Variants in TM4SF4 observed in about 807,000 individuals in gnomAD.
TM4SF4 encodes the protein transmembrane 4 L six family member 4.
Under a neutral mutation model 24.1 loss-of-function variants are expected in TM4SF4, and 24 were observed. The observed-to-expected ratio is 1.00, with a 90% CI of 0.72 to 1.40. The LOEUF is 1.40. Ranked by LOEUF, TM4SF4 falls within the 40% of genes most tolerant of loss-of-function variation. The pLI, the probability that TM4SF4 is intolerant of heterozygous loss-of-function variation, is 0.00. For synonymous variants in TM4SF4, 113 were observed against 97.0 expected, an observed-to-expected ratio of 1.17 and a Z score of -0.97; for missense variants, 254 against 254.2, an observed-to-expected ratio of 1.00 and a Z score of 0.01.
chr3:149,487,836 A>G (rs1734145958), intron 3 of TM4SF4, 81 bp downstream of exon 3: 23 of 1,559,358 alleles, frequency 1.5e-5, no homozygotes, highest in Non-Finnish European at 1.9e-5. Context: ...ACTGCACACA[A>G]TGCCATGTCT....
rs776083071 is a variant in TM4SF4 at position 149,498,923 on chromosome 3, C to G, written c.591+12C>G. 1 of 1,613,276 alleles carries G rather than the reference C, an allele frequency of 6.2e-7. No homozygotes were observed. Among genetic ancestry groups the G allele is most frequent in the South Asian group, 1.1e-5 (1 of 91,016 alleles). ...GTGGCTGCTGTGGGGTAAGTTCAGG[C>G]TTTTGCTGTTTCTTCTCAGCATGAG... On this transcript the variant is annotated intron_variant, in intron 4 of 4. Transcript: ENST00000305354.
chr3:149,501,109 G>T (rs1032123929), intron 4 of TM4SF4, among the ~76,000 whole-genome samples: 1 of 151,626 alleles, frequency 6.6e-6, no homozygotes, highest in Non-Finnish European at 1.5e-5. Flanking sequence ...CTAAATCTGA[G>T]AATTATCTCT....
intron 4 of TM4SF4, among the ~76,000 whole-genome samples, chr3:149,502,319 C>T (rs183373698): frequency 6.6e-6 from 1 of 152,194 alleles, no homozygotes; most frequent in Admixed American, 6.5e-5. Flanking sequence ...CAGAATTCAT[C>T]AGTACCTAAT....
At chr3:149,498,095 G>C (rs1734345338) in intron 3 of TM4SF4, among the ~76,000 whole-genome samples, 1 of 152,160 alleles carries the variant, frequency 6.6e-6, no homozygotes, top group Non-Finnish European at 1.5e-5. Context: ...TTGTGTGTGA[G>C]AGATTCCTAC....
In TM4SF4 at chr3:149,476,309, T is replaced by C. The variant is rs76679881; in HGVS notation, c.264+397T>C. On this transcript the variant is annotated intron_variant, in intron 2 of 4. Transcript: ENST00000305354. ...GAATTGCCTCATCTGCAAAGGGGAC[T>C]TGGGACAGGACAAAAGATGGTATCC... 2.8e-3 allele frequency among the ~76,000 whole-genome samples: 421 copies of C among 152,294 alleles called. 6 individuals carry two copies. The highest frequency in any genetic ancestry group is 9.7e-3 in the African/African-American group (404 of 41,558).
chr3:149,480,671 T>A (rs1437306395), intron 2 of TM4SF4, among the ~76,000 whole-genome samples: 1 of 152,042 alleles, frequency 6.6e-6, no homozygotes, highest in African/African-American at 2.4e-5. Flanking sequence ...GCATCCCTAA[T>A]CTACCTCCTC....
intron 2 of TM4SF4, among the ~76,000 whole-genome samples, chr3:149,483,920 A>G (rs1734074769): frequency 6.6e-6 from 1 of 151,912 alleles, no homozygotes; most frequent in Non-Finnish European, 1.5e-5. Flanking sequence ...AGCTGGGACT[A>G]CAGGTGCACA....
rs576471163 is a variant in TM4SF4, at chr3:149,478,280, G to C, written c.264+2368G>C. On this transcript the variant is annotated intron_variant, in intron 2 of 4. Coordinates refer to ENST00000305354, the MANE Select transcript of TM4SF4 (RefSeq NM_004617.4). ...CCTGCCTCAGCCTCCCAAGTAGCTGGGATTACAGCCATGTGCCACCATGCC... is the reference window on the plus strand; with the variant it reads ...CCTGCCTCAGCCTCCCAAGTAGCTGCGATTACAGCCATGTGCCACCATGCC... Among the ~76,000 whole-genome samples the C allele has an allele frequency of 1.2e-4, 18 of 152,170 alleles. 1 individual carries two copies. The South Asian group carries it at 3.7e-3, about 32-fold the overall frequency.
chr3:149,500,453 A>G (rs1734396874), intron 4 of TM4SF4, among the ~76,000 whole-genome samples: 1 of 152,108 alleles, frequency 6.6e-6, no homozygotes, highest in African/African-American at 2.4e-5. Context: ...TTCACTGTGT[A>G]TTGCATTTTT....
intron 3 of TM4SF4, among the ~76,000 whole-genome samples, chr3:149,490,738 A>T (rs567310426): frequency 6.6e-6 from 1 of 152,348 alleles, no homozygotes; most frequent in South Asian, 2.1e-4. Flanking sequence ...CCACATAAGC[A>T]TATAGTAACT....
chr3:149,479,787 C>G (rs751670241), intron 2 of TM4SF4, among the ~76,000 whole-genome samples: 1 of 152,212 alleles, frequency 6.6e-6, no homozygotes, highest in Non-Finnish European at 1.5e-5. Context: ...TCTCTACAGT[C>G]TGCTTTCTGT....
chr3:149,501,046 GAGAA>G (rs59123868), intron 4 of TM4SF4, among the ~76,000 whole-genome samples: 3 of 147,512 alleles, frequency 2.0e-5, no homozygotes, highest in African/African-American at 2.5e-5. Context: ...AAGAGAGAGA[GAGAA>G]AGAAAGAAAG....
At chr3:149,480,696 C>A (rs1221144746) in intron 2 of TM4SF4, among the ~76,000 whole-genome samples, 1 of 152,012 alleles carries the variant, frequency 6.6e-6, no homozygotes, top group African/African-American at 2.4e-5. Flanking sequence ...CTTGGAATGA[C>A]AGCCAACTTG....
Position 149,494,340 on chromosome 3 carries a change from C to T in TM4SF4, c.402-4382C>T, listed in dbSNP as rs139744828. ...ATTCAATCCTTGCTTCTACGTTCGCCGTAAACGTTTCACAAATCCTACCAC... is the reference window on the plus strand; with the variant it reads ...ATTCAATCCTTGCTTCTACGTTCGCTGTAAACGTTTCACAAATCCTACCAC... On this transcript the variant is annotated intron_variant, in intron 3 of 4. Coordinates refer to ENST00000305354, the MANE Select transcript of TM4SF4 (RefSeq NM_004617.4). Among the ~76,000 whole-genome samples, 762 of 152,278 alleles carry T rather than the reference C, an allele frequency of 5.0e-3. 4 individuals carry two copies. The highest frequency in any genetic ancestry group is 0.017 in the African/African-American group (715 of 41,536).
intron 2 of TM4SF4, among the ~76,000 whole-genome samples, chr3:149,482,081 AG>A (rs1384287390): frequency 1.3e-5 from 2 of 152,246 alleles, no homozygotes; most frequent in Non-Finnish European, 2.9e-5. Flanking sequence ...GATTACTAGC[AG>A]CCTATCCCAC....
intron 3 of TM4SF4, among the ~76,000 whole-genome samples, chr3:149,493,897 G>A (rs1041502531): frequency 2.6e-5 from 4 of 152,190 alleles, no homozygotes; most frequent in African/African-American, 7.2e-5. Flanking sequence ...GACAGAGCGC[G>A]CCAGCAAAGC....
chr3:149,492,309 C>T (rs1264255117), intron 3 of TM4SF4, among the ~76,000 whole-genome samples: 1 of 152,084 alleles, frequency 6.6e-6, no homozygotes, highest in Non-Finnish European at 1.5e-5. Flanking sequence ...GCACTGTTTT[C>T]CTCAGAAATG....
chr3:149,483,452 T>G (rs1734067398), intron 2 of TM4SF4, among the ~76,000 whole-genome samples: 1 of 144,892 alleles, frequency 6.9e-6, no homozygotes, highest in Non-Finnish European at 1.6e-5. Context: ...CCATCTCTAT[T>G]TAAAATCAAC....
chr3:149,493,969 G>A (rs1734264338), intron 3 of TM4SF4, among the ~76,000 whole-genome samples: 2 of 152,222 alleles, frequency 1.3e-5, no homozygotes, highest in African/African-American at 4.8e-5. Flanking sequence ...TGAAATTCGT[G>A]CCTTTCTGCT....
Sources: allele counts gnomAD v4.1 joint callset (sites outside exome capture counted in the v4.1 genomes callset), GRCh38; gene constraint gnomAD v4.1.1; transcripts MANE v1.5; gene names NCBI Gene and HGNC (gene_info 2026-07-23, HGNC 2026-07-21).